The following ZBTB7C variants were observed in gnomAD, a reference collection of about 807,000 sequenced individuals.
The protein encoded by ZBTB7C is zinc finger and BTB domain containing 7C.
In ZBTB7C, 8 loss-of-function variants were observed where a neutral mutation model predicts 25.7. The observed-to-expected ratio is 0.31, with a 90% confidence interval of 0.18 to 0.56. The LOEUF is 0.56. Ranked by LOEUF, ZBTB7C falls within the 20% of genes least tolerant of loss-of-function variation. The pLI is 0.91. For synonymous variants in ZBTB7C, 394 were observed against 369.0 expected (o/e 1.07, Z -0.78); for missense variants, 824 against 855.2 (o/e 0.96, Z 0.46).
intron 1 of ZBTB7C, among the ~76,000 whole-genome samples, chr18:48,367,024 C>T (rs1210159470): frequency 6.6e-6 from 1 of 151,612 alleles, no homozygotes; most frequent in African/African-American, 2.4e-5. Flanking sequence ...CTTTTCACTG[C>T]TCTATTCCTT....
chr18:48,224,030 T>C (rs1404596791), intron 2 of ZBTB7C, among the ~76,000 whole-genome samples: 2 of 152,116 alleles, frequency 1.3e-5, no homozygotes, highest in Non-Finnish European at 2.9e-5. Context: ...CTGAAGATGA[T>C]GGAAAAGACT....
chr18:48,258,895 T>A (rs927000647), intron 2 of ZBTB7C, among the ~76,000 whole-genome samples: 6 of 152,144 alleles, frequency 3.9e-5, no homozygotes, highest in African/African-American at 1.4e-4. Flanking sequence ...GACCTCAGGT[T>A]ATCAGCCTGC....
chr18:48,341,745 TG>T (rs1297611012), intron 1 of ZBTB7C, among the ~76,000 whole-genome samples: 1 of 152,156 alleles, frequency 6.6e-6, no homozygotes, highest in Non-Finnish European at 1.5e-5. Context: ...TGCACTGCCA[TG>T]GAAAAGAACA....
intron 4 of ZBTB7C, among the ~76,000 whole-genome samples, chr18:48,030,856 A>AG (rs111273798): frequency 0.2 from 30,324 of 152,106 alleles, 3,296 homozygotes; most frequent in East Asian, 0.29. Context: ...AACTGATATC[A>AG]GGGGGTTGTT....
At chr18:48,309,813 C>T (rs970492771) in intron 2 of ZBTB7C, among the ~76,000 whole-genome samples, 1 of 152,238 alleles carries the variant, frequency 6.6e-6, no homozygotes, top group African/African-American at 2.4e-5. Flanking sequence ...GCACCAAATA[C>T]TCTAGTTGGT....
At chr18:48,133,921 T>A (rs2040065485) in intron 3 of ZBTB7C, among the ~76,000 whole-genome samples, 1 of 151,964 alleles carries the variant, frequency 6.6e-6, no homozygotes, top group African/African-American at 2.4e-5. Context: ...CAAACAAACA[T>A]CCCCATGCAA....
intron 4 of ZBTB7C, among the ~76,000 whole-genome samples, chr18:48,035,105 C>A (rs2144103303): frequency 6.6e-6 from 1 of 152,328 alleles, no homozygotes; most frequent in East Asian, 1.9e-4. Context: ...AAGACAAAAG[C>A]CAGGCTGCTG....
intron 3 of ZBTB7C, among the ~76,000 whole-genome samples, chr18:48,098,405 C>G (rs1286458479): frequency 2.0e-5 from 3 of 152,168 alleles, no homozygotes; most frequent in African/African-American, 7.2e-5. Context: ...GGATACTAAA[C>G]AAAGCCAAAA....
intron 3 of ZBTB7C, among the ~76,000 whole-genome samples, chr18:48,083,618 T>C (rs912679773): frequency 1.3e-5 from 2 of 152,136 alleles, no homozygotes; most frequent in Non-Finnish European, 2.9e-5. Context: ...CCATAGGCCA[T>C]TTGCTGGGAC....
chr18:48,382,371 C>T (rs920093366), intron 1 of ZBTB7C, among the ~76,000 whole-genome samples: 1 of 152,156 alleles, frequency 6.6e-6, no homozygotes, highest in Non-Finnish European at 1.5e-5. Context: ...ATAATGAGGC[C>T]AAGCCAATAT....
chr18:48,160,962 G>A (rs1379847632), intron 3 of ZBTB7C, among the ~76,000 whole-genome samples: 4 of 140,986 alleles, frequency 2.8e-5, no homozygotes, highest in African/African-American at 5.8e-5. Context: ...TTCCAGTGCC[G>A]GGGGAGCAGT....
At chr18:48,029,988 C>T in intron 4 of ZBTB7C, 77 bp from the exon 5 acceptor site, 1 of 1,585,056 alleles carries the variant, frequency 6.3e-7, no homozygotes, top group Non-Finnish European at 8.5e-7. Flanking sequence ...CCCCTTTCTC[C>T]AGAACCAGCC....
At chr18:48,332,740 C>T (rs1187358941) in intron 2 of ZBTB7C, among the ~76,000 whole-genome samples, 1 of 140,404 alleles carries the variant, frequency 7.1e-6, no homozygotes, top group East Asian at 2.1e-4. Context: ...CCAGGGACCT[C>T]GTATTCCCTC....
At chr18:48,206,383 T>C (rs2042576614) in intron 2 of ZBTB7C, among the ~76,000 whole-genome samples, 1 of 152,182 alleles carries the variant, frequency 6.6e-6, no homozygotes, top group African/African-American at 2.4e-5. Flanking sequence ...ACTGGATAGC[T>C]ATATTAAAAT....
intron 3 of ZBTB7C, among the ~76,000 whole-genome samples, chr18:48,167,055 AGCTGTC>A (rs2041273383): frequency 6.6e-6 from 1 of 152,000 alleles, no homozygotes. Flanking sequence ...CTTCTACCCA[AGCTGTC>A]TGTGCCTGCT....
chr18:48,273,350 T>C (rs900011971), intron 2 of ZBTB7C, among the ~76,000 whole-genome samples: 4 of 151,804 alleles, frequency 2.6e-5, no homozygotes. Flanking sequence ...ATCATAGAGA[T>C]GGACAATTAA....
At chr18:48,351,521 G>A (rs974879276) in intron 1 of ZBTB7C, among the ~76,000 whole-genome samples, 8 of 152,262 alleles carry the variant, frequency 5.3e-5, no homozygotes, top group African/African-American at 1.4e-4. Context: ...AGGGCCTCTC[G>A]CCATGGATGT....
At chr18:48,296,779 G>A (rs1294351828) in intron 2 of ZBTB7C, among the ~76,000 whole-genome samples, 2 of 151,802 alleles carry the variant, frequency 1.3e-5, no homozygotes, top group Admixed American at 6.6e-5. Context: ...GCGGCGGGTG[G>A]AGCCAGCATT....
Position 48,041,077 on chromosome 18 carries a change from T to G in ZBTB7C, c.31A>C (p.Ile11Leu). The change falls in exon 4 of 5, where the codon ATT becomes CTT. Residue 11 changes from isoleucine (I) to leucine (L), a missense_variant. Physicochemically the swap from Ile to Leu is conservative, Grantham distance 5. Transcript: ENST00000590800. MANDIDELIG[I>L]PFPNHSSEVL... ...TCACTGCTGTGGTTGGGGAAGGGAA[T>G]GCCAATGAGCTCATCAATGTCATTG... 2.5e-6 allele frequency: 4 copies of G among 1,607,946 alleles called. No individual in the cohort carries two copies. The highest frequency in any genetic ancestry group is 3.4e-6 in the Non-Finnish European group (4 of 1,175,670).
Sources: gnomAD v4.1 joint callset for allele counts (sites outside exome capture counted in the v4.1 genomes callset) on GRCh38, gnomAD v4.1.1 for gene constraint, MANE v1.5 for transcripts, NCBI Gene and HGNC (gene_info 2026-07-23, HGNC 2026-07-21) for gene names.